PABPC4L: variants seen among roughly 807,000 people sequenced by gnomAD.
PABPC4L encodes the protein poly(A) binding protein cytoplasmic 4 like, also known as polyadenylate-binding protein 4-like.
For missense variants in PABPC4L, 452 were observed against 451.4 expected, an observed-to-expected ratio of 1.00 and a Z score of -0.01; for synonymous variants, 169 against 164.1, an observed-to-expected ratio of 1.03 and a Z score of -0.23.
chr4:134,189,306 CTGTA>C, the PABPC4L span, among the ~76,000 whole-genome samples: 156 of 107,122 alleles, frequency 1.5e-3, no homozygotes, highest in Admixed American at 2.3e-3. Context: ...GTGATGCTTG[CTGTA>C]TCTCTTCAAA....
the PABPC4L span, among the ~76,000 whole-genome samples, chr4:134,100,555 T>C: frequency 1.2e-4 from 18 of 151,798 alleles, no homozygotes; most frequent in African/African-American, 4.3e-4. Context: ...TAATGCAACC[T>C]GGGTGCACAC....
chr4:134,076,016 A>G, the PABPC4L span, among the ~76,000 whole-genome samples: 2 of 146,286 alleles, frequency 1.4e-5, no homozygotes, highest in African/African-American at 5.0e-5. Flanking sequence ...TAGGAACTGG[A>G]AAAAAAAAAA....
chr4:133,968,141 A>C, the PABPC4L span, among the ~76,000 whole-genome samples: 1 of 152,198 alleles, frequency 6.6e-6, no homozygotes, highest in Non-Finnish European at 1.5e-5. Context: ...AGATCAACCC[A>C]TACAAGACTA....
the PABPC4L span, among the ~76,000 whole-genome samples, chr4:134,156,596 A>G: frequency 1.3e-5 from 2 of 151,954 alleles, no homozygotes; most frequent in African/African-American, 4.8e-5. Flanking sequence ...ACTGTAAATT[A>G]CTGAAATATA....
At chr4:134,103,079 C>T in the PABPC4L span, among the ~76,000 whole-genome samples, 2 of 151,432 alleles carry the variant, frequency 1.3e-5, no homozygotes, top group South Asian at 2.1e-4. Flanking sequence ...GGGCATTTGG[C>T]CAGGTGTGGG....
the PABPC4L span, among the ~76,000 whole-genome samples, chr4:134,107,921 T>C: frequency 1.3e-5 from 2 of 151,728 alleles, no homozygotes; most frequent in Non-Finnish European, 3.0e-5. Flanking sequence ...TATTTTATTC[T>C]ATTCATTTTT....
chr4:134,041,548 GT>G, the PABPC4L span, among the ~76,000 whole-genome samples: 2 of 151,874 alleles, frequency 1.3e-5, no homozygotes, highest in African/African-American at 4.8e-5. Flanking sequence ...GGATGTGGGG[GT>G]GGGGGCATCA....
the PABPC4L span, among the ~76,000 whole-genome samples, chr4:133,996,712 G>A: frequency 6.6e-6 from 1 of 152,114 alleles, no homozygotes; most frequent in Non-Finnish European, 1.5e-5. Context: ...TGCCGACACA[G>A]GTATTTTGCC....
chr4:134,164,373 A>G, the PABPC4L span, among the ~76,000 whole-genome samples: 1 of 151,960 alleles, frequency 6.6e-6, no homozygotes, highest in Non-Finnish European at 1.5e-5. Flanking sequence ...GGCTACATAG[A>G]AAATCCTAAA....
At chr4:134,011,772 G>A in the PABPC4L span, among the ~76,000 whole-genome samples, 1 of 151,984 alleles carries the variant, frequency 6.6e-6, no homozygotes, top group Non-Finnish European at 1.5e-5. Flanking sequence ...ACGATATGTA[G>A]AAAAAGCCAT....
At chr4:134,074,700 C>G in the PABPC4L span, among the ~76,000 whole-genome samples, 1 of 152,076 alleles carries the variant, frequency 6.6e-6, no homozygotes, top group East Asian at 1.9e-4. Context: ...TTGTGAGGCC[C>G]CAGAAAACTT....
chr4:134,041,809 C>T, the PABPC4L span, among the ~76,000 whole-genome samples: 72 of 152,164 alleles, frequency 4.7e-4, no homozygotes, highest in African/African-American at 1.5e-3. Context: ...AAAGAGAATG[C>T]TTATACACTG....
At chr4:134,052,316 G>A in the PABPC4L span, among the ~76,000 whole-genome samples, 7 of 151,850 alleles carry the variant, frequency 4.6e-5, no homozygotes, top group Non-Finnish European at 8.8e-5. Flanking sequence ...AATTTTTTTA[G>A]CCCAGTCAAA....
the PABPC4L span, among the ~76,000 whole-genome samples, chr4:134,157,198 G>A: frequency 6.6e-6 from 1 of 150,770 alleles, no homozygotes; most frequent in Non-Finnish European, 1.5e-5. Flanking sequence ...ATACCATGTG[G>A]AAGAATTTTT....
At chr4:134,176,914 A>T in the PABPC4L span, among the ~76,000 whole-genome samples, 1 of 152,120 alleles carries the variant, frequency 6.6e-6, no homozygotes, top group Non-Finnish European at 1.5e-5. Context: ...GGGGCAACTC[A>T]CAAGTCCAAG....
the PABPC4L span, among the ~76,000 whole-genome samples, chr4:134,031,034 G>C: frequency 6.6e-6 from 1 of 151,994 alleles, no homozygotes; most frequent in Non-Finnish European, 1.5e-5. Flanking sequence ...TGTACTACTT[G>C]AGAGCGCTAT....
chr4:134,080,796 G>A, the PABPC4L span, among the ~76,000 whole-genome samples: 2 of 152,066 alleles, frequency 1.3e-5, no homozygotes, highest in Admixed American at 1.3e-4. Flanking sequence ...GTGATTTTAG[G>A]TTATGAAAAT....
chr4:134,114,138 A>C, the PABPC4L span, among the ~76,000 whole-genome samples: 3 of 151,778 alleles, frequency 2.0e-5, no homozygotes, highest in South Asian at 6.2e-4. Context: ...GGAAATGGTA[A>C]TAGGAACAAG....
At chr4:134,115,732 T>G in the PABPC4L span, among the ~76,000 whole-genome samples, 2 of 151,802 alleles carry the variant, frequency 1.3e-5, no homozygotes. Context: ...ATGGTGATAC[T>G]ACATGAAGAA....
Sources: gnomAD v4.1 joint callset for allele counts (sites outside exome capture counted in the v4.1 genomes callset) on GRCh38, gnomAD v4.1.1 for gene constraint, MANE v1.5 for transcripts, NCBI Gene and HGNC (gene_info 2026-07-23, HGNC 2026-07-21) for gene names.